CLDN10: variants seen among roughly 807,000 people sequenced by gnomAD.
CLDN10 encodes the protein claudin-10.
In CLDN10, 15 loss-of-function variants were observed where a neutral mutation model predicts 22.9. That is an observed-to-expected ratio of 0.65 (90% CI 0.44 to 1.01). The LOEUF is 1.01. Ranked by LOEUF, CLDN10 falls within the 50% of genes least tolerant of loss-of-function variation. CLDN10 has a pLI of 0.00. For synonymous variants in CLDN10, 114 were observed against 111.4 expected, an observed-to-expected ratio of 1.02 and a Z score of -0.15; for missense variants, 247 against 287.8, an observed-to-expected ratio of 0.86 and a Z score of 1.03.
intron 1 of CLDN10, among the ~76,000 whole-genome samples, chr13:95,475,604 T>G (rs756546709): frequency 1.1e-4 from 17 of 152,146 alleles, no homozygotes; most frequent in Non-Finnish European, 2.4e-4. Context: ...TTTGCCCCAA[T>G]GGCCTCTGGG....
At chr13:95,456,817 T>C (rs2042486433) in intron 1 of CLDN10, among the ~76,000 whole-genome samples, 1 of 152,230 alleles carries the variant, frequency 6.6e-6, no homozygotes, top group African/African-American at 2.4e-5. Context: ...GCATCTCCTA[T>C]GCATAAGGCA....
intron 1 of CLDN10, among the ~76,000 whole-genome samples, chr13:95,435,104 TA>T (rs1323126069): frequency 6.6e-6 from 1 of 151,088 alleles, no homozygotes; most frequent in African/African-American, 2.4e-5. Flanking sequence ...AGGGAACATA[TA>T]TTTTTTAAGG....
At chr13:95,521,494 T>C (rs2138585362) in intron 1 of CLDN10, among the ~76,000 whole-genome samples, 1 of 152,284 alleles carries the variant, frequency 6.6e-6, no homozygotes, top group South Asian at 2.1e-4. Context: ...TGGTTGATTT[T>C]CTAATATTAA....
At chr13:95,447,212 G>A (rs1460014985) in intron 1 of CLDN10, among the ~76,000 whole-genome samples, 1 of 152,140 alleles carries the variant, frequency 6.6e-6, no homozygotes, top group Non-Finnish European at 1.5e-5. Flanking sequence ...ATCTTACTAC[G>A]GCCATATGTT....
intron 1 of CLDN10, among the ~76,000 whole-genome samples, chr13:95,517,118 T>C (rs2138575997): frequency 6.6e-6 from 1 of 150,548 alleles, no homozygotes; most frequent in East Asian, 2.0e-4. Flanking sequence ...CTCTCTTCCT[T>C]TCTCTTTCTT....
intron 1 of CLDN10, among the ~76,000 whole-genome samples, chr13:95,503,293 G>C (rs1417258194): frequency 6.6e-6 from 1 of 152,180 alleles, no homozygotes; most frequent in Admixed American, 6.5e-5. Flanking sequence ...AAAAACATTA[G>C]AGGGTCAAAC....
intron 3 of CLDN10, among the ~76,000 whole-genome samples, chr13:95,561,237 TGAGGC>T (rs1229150738): frequency 1.3e-5 from 2 of 152,222 alleles, no homozygotes; most frequent in African/African-American, 4.8e-5. Context: ...TTGCTATCAA[TGAGGC>T]TGGTAATTTT....
At chr13:95,437,921 C>A (rs558743928) in intron 1 of CLDN10, among the ~76,000 whole-genome samples, 2 of 152,354 alleles carry the variant, frequency 1.3e-5, no homozygotes, top group Non-Finnish European at 2.9e-5. Context: ...ATCTTTCAAC[C>A]TAGAGTTCAA....
At chr13:95,563,698 C>G (rs1055326972) in intron 3 of CLDN10, among the ~76,000 whole-genome samples, 37 of 152,142 alleles carry the variant, frequency 2.4e-4, no homozygotes, top group African/African-American at 8.9e-4. Context: ...TAGATACCAT[C>G]AGATTCTAAT....
chr13:95,442,636 C>T (rs971637543), intron 1 of CLDN10, among the ~76,000 whole-genome samples: 6 of 152,160 alleles, frequency 3.9e-5, no homozygotes, highest in African/African-American at 1.4e-4. Context: ...CCTACAAGCT[C>T]AGGGTGTGTT....
intron 1 of CLDN10, among the ~76,000 whole-genome samples, chr13:95,502,288 A>G (rs948686604): frequency 6.6e-6 from 1 of 152,194 alleles, no homozygotes; most frequent in African/African-American, 2.4e-5. Flanking sequence ...TAACACTTCG[A>G]ATCTTAATTT....
chr13:95,566,456 A>G (rs1452419582), intron 3 of CLDN10, among the ~76,000 whole-genome samples: 14 of 152,042 alleles, frequency 9.2e-5, no homozygotes, highest in Admixed American at 7.9e-4. Context: ...TCCTTTGCCC[A>G]CTTTTTGATG....
chr13:95,520,050 G>A (rs1365850291), intron 1 of CLDN10, among the ~76,000 whole-genome samples: 1 of 152,186 alleles, frequency 6.6e-6, no homozygotes, highest in East Asian at 1.9e-4. Context: ...ACGCGTGCAT[G>A]TGTGTGTGTT....
intron 1 of CLDN10, among the ~76,000 whole-genome samples, chr13:95,494,480 T>G (rs1485772640): frequency 6.6e-6 from 1 of 152,242 alleles, no homozygotes. Flanking sequence ...AACTTTCTAT[T>G]TGTTTTAAGG....
At chr13:95,456,371 A>G (rs2139083885) in intron 1 of CLDN10, among the ~76,000 whole-genome samples, 1 of 152,118 alleles carries the variant, frequency 6.6e-6, no homozygotes, top group East Asian at 1.9e-4. Flanking sequence ...CTACTCTCCT[A>G]TTCCACCCCA....
chr13:95,434,292 AG>A (rs1439218067), intron 1 of CLDN10, among the ~76,000 whole-genome samples: 1 of 152,134 alleles, frequency 6.6e-6, no homozygotes, highest in Non-Finnish European at 1.5e-5. Flanking sequence ...GTGACTCCAA[AG>A]GGAAGAGTGG....
At chr13:95,469,659 G>A (rs912818623) in intron 1 of CLDN10, among the ~76,000 whole-genome samples, 1 of 152,164 alleles carries the variant, frequency 6.6e-6, no homozygotes, top group African/African-American at 2.4e-5. Context: ...GATCTGTGCT[G>A]TTCCCTTGCT....
chr13:95,554,405 A>G (rs1268388239), intron 1 of CLDN10, among the ~76,000 whole-genome samples: 1 of 139,888 alleles, frequency 7.1e-6, no homozygotes, highest in Admixed American at 7.2e-5. Context: ...CAAGGGAGAG[A>G]AGGAAATGAA....
chr13:95,516,224 A>C (rs1164134878), intron 1 of CLDN10, among the ~76,000 whole-genome samples: 1 of 152,246 alleles, frequency 6.6e-6, no homozygotes, highest in African/African-American at 2.4e-5. Context: ...AATATTTCTC[A>C]TCTGTATCGG....
Sources: gnomAD v4.1 joint callset for allele counts (sites outside exome capture counted in the v4.1 genomes callset) on GRCh38, gnomAD v4.1.1 for gene constraint, MANE v1.5 for transcripts, NCBI Gene and HGNC (gene_info 2026-07-23, HGNC 2026-07-21) for gene names.